AGPAT4: variants seen among roughly 807,000 people sequenced by gnomAD.
AGPAT4 encodes the protein 1-acylglycerol-3-phosphate O-acyltransferase 4.
AGPAT4 carries 15 observed loss-of-function variants against 48.0 expected under a neutral mutation model. The ratio of observed to expected loss-of-function variants is 0.31; its 90% CI spans 0.21 to 0.48. The LOEUF is 0.48. AGPAT4 is among the 20% of genes least tolerant of loss of function. AGPAT4 has a pLI of 0.99. For synonymous variants in AGPAT4, 178 were observed against 198.7 expected (o/e 0.90, Z 0.88); for missense variants, 314 against 482.5 (o/e 0.65, Z 3.27).
At chr6:161,160,104 A>ATTTTTTTTT (rs5881394) in intron 3 of AGPAT4, 23 of 74,010 alleles carry the variant, frequency 3.1e-4, no homozygotes, top group Non-Finnish European at 5.0e-4. Flanking sequence ...CACCCAGCTA[A>ATTTTTTTTT]TTTTTTTTTT....
intron 2 of AGPAT4, among the ~76,000 whole-genome samples, chr6:161,209,890 AC>A (rs1272663389): frequency 6.6e-6 from 1 of 152,224 alleles, no homozygotes; most frequent in African/African-American, 2.4e-5. Context: ...GTATGTTCAC[AC>A]CACAGAGACA....
rs1032068642 is a variant in AGPAT4 at position 161,145,538 on chromosome 6, T to C, written c.843+986A>G. ...TCTGCTAAAGGTGATGGCAAGTCTTTTGGACTGAAATTTGTCTAAAGGAGG... is the reference window on the plus strand; with the variant it reads ...TCTGCTAAAGGTGATGGCAAGTCTTCTGGACTGAAATTTGTCTAAAGGAGG... On this transcript the variant is annotated intron_variant, in intron 7 of 8. Coordinates refer to ENST00000320285, the MANE Select transcript of AGPAT4 (RefSeq NM_020133.3). 3.3e-5 allele frequency among the ~76,000 whole-genome samples: 5 copies of C among 151,628 alleles called. 1 individual carries two copies. The highest frequency in any genetic ancestry group is 9.8e-5 in the African/African-American group (4 of 40,886).
intron 2 of AGPAT4, among the ~76,000 whole-genome samples, chr6:161,186,596 C>T (rs1192215065): frequency 2.6e-5 from 4 of 152,106 alleles, no homozygotes; most frequent in Admixed American, 6.5e-5. Flanking sequence ...TCACCCGCTC[C>T]GCATGCCAGT....
chr6:161,136,903 C>G (rs746221363), intron 8 of AGPAT4, among the ~76,000 whole-genome samples: 1 of 152,210 alleles, frequency 6.6e-6, no homozygotes, highest in Non-Finnish European at 1.5e-5. Context: ...CATGCACAGC[C>G]GTTCGCAGGG....
intron 2 of AGPAT4, among the ~76,000 whole-genome samples, chr6:161,213,790 G>A (rs1243345662): frequency 2.0e-5 from 3 of 152,058 alleles, no homozygotes; most frequent in Non-Finnish European, 4.4e-5. Context: ...TTATAAAAAT[G>A]AGTTTTCCTA....
chr6:161,260,154 A>C (rs542294875), intron 1 of AGPAT4, among the ~76,000 whole-genome samples: 1 of 152,220 alleles, frequency 6.6e-6, no homozygotes, highest in East Asian at 1.9e-4. Flanking sequence ...CATTACTCCC[A>C]CCGCACATGG....
In AGPAT4 at chr6:161,236,270, C is replaced by T. The variant is rs565159486; in HGVS notation, c.-89-3968G>A. ...AAGCTGCTGCTATGCCATATTTCTGCGAAAAAAAAAAAGATGTTTCTTACT... is the reference window on the plus strand; with the variant it reads ...AAGCTGCTGCTATGCCATATTTCTGTGAAAAAAAAAAAGATGTTTCTTACT... On this transcript the variant is annotated intron_variant, in intron 1 of 8. Transcript: ENST00000320285. The surrounding 1 kb of genome is among the most constrained non-coding windows in gnomAD (Gnocchi z 5.0). Among the ~76,000 whole-genome samples, 10 of 147,686 alleles carry T rather than the reference C, an allele frequency of 6.8e-5. No homozygotes were observed. In the East Asian group the frequency reaches 7.9e-4, roughly 12 times the overall value.
intron 2 of AGPAT4, among the ~76,000 whole-genome samples, chr6:161,176,693 CT>C (rs1227956113): frequency 2.0e-5 from 3 of 152,122 alleles, no homozygotes; most frequent in African/African-American, 7.2e-5. Context: ...ATGATGTTAG[CT>C]GGTTATTTTG....
intron 2 of AGPAT4, among the ~76,000 whole-genome samples, chr6:161,182,150 C>G (rs1414857885): frequency 1.3e-5 from 2 of 152,008 alleles, no homozygotes. Context: ...CACAGCCCAG[C>G]CCCTCGCCCC....
At position 161,217,390 on chromosome 6, in the gene AGPAT4, T is replaced by C. The variant is rs1781678048; in HGVS notation, c.178+14646A>G. ...TTAAAAAGCCTTATGGTGTGTCAGA[T>C]GGAGGACGCATTGGGAGAGGCTGTG... On this transcript the variant is annotated intron_variant, in intron 2 of 8. Coordinates refer to ENST00000320285, the MANE Select transcript of AGPAT4 (RefSeq NM_020133.3). This position sits in a 1 kb window ranked among gnomAD's most constrained non-coding sequence, Gnocchi z 4.9. Among the ~76,000 whole-genome samples, 1 of 152,172 alleles carries C rather than the reference T, an allele frequency of 6.6e-6. No homozygotes were observed. The highest frequency in any genetic ancestry group is 1.5e-5 in the Non-Finnish European group (1 of 68,030).
chr6:161,161,316 C>T lies in AGPAT4; in HGVS notation c.348+4932G>A, dbSNP rs2281492. 287 of 456,712 alleles carry T rather than the reference C, an allele frequency of 6.3e-4. 3 individuals are homozygous for T. In the East Asian group the frequency reaches 0.016, roughly 25 times the overall value. The allele number at this position is 456,712 out of a possible 1,614,324, so 28.3% of individuals were successfully genotyped here. On this transcript the variant is annotated intron_variant, in intron 3 of 8. Coordinates refer to ENST00000320285, the MANE Select transcript of AGPAT4 (RefSeq NM_020133.3). This position sits in a 1 kb window ranked among gnomAD's most constrained non-coding sequence, Gnocchi z 4.6. ...TGAACCCGCGGTGCAGCCATAGTCC[C>T]GTGAGCTGCCCACTTCCTGCCCTGG... is the stretch of plus-strand genomic sequence containing the variant.
Position 161,216,265 on chromosome 6 carries a change from T to C in AGPAT4, c.178+15771A>G, listed in dbSNP as rs938916351. On this transcript the variant is annotated intron_variant, in intron 2 of 8. Transcript: ENST00000320285. The surrounding 1 kb of genome is among the most constrained non-coding windows in gnomAD (Gnocchi z 4.8). ...ATGGATGACTGAAGCAAAGGGTCAA[T>C]GCTTTCAGGGCTCTCAGAGTAAAGC... Among the ~76,000 whole-genome samples, 1 of 152,148 alleles carries C rather than the reference T, an allele frequency of 6.6e-6. No homozygotes were observed. The highest frequency in any genetic ancestry group is 2.4e-5 in the African/African-American group (1 of 41,426).
intron 2 of AGPAT4, among the ~76,000 whole-genome samples, chr6:161,194,420 T>C (rs1344189868): frequency 4.7e-5 from 7 of 150,348 alleles, no homozygotes; most frequent in African/African-American, 1.7e-4. Flanking sequence ...CCCCATTCCT[T>C]TCCAGAGTAG....
rs1431671099 is a variant in AGPAT4 at position 161,196,448 on chromosome 6, T to A, written c.179-30031A>T. 6.6e-6 allele frequency among the ~76,000 whole-genome samples: 1 copy of A among 151,978 alleles called. No homozygotes were observed. The highest frequency in any genetic ancestry group is 1.5e-5 in the Non-Finnish European group (1 of 67,996). On this transcript the variant is annotated intron_variant, in intron 2 of 8. Coordinates refer to ENST00000320285, the MANE Select transcript of AGPAT4 (RefSeq NM_020133.3). This position sits in a 1 kb window ranked among gnomAD's most constrained non-coding sequence, Gnocchi z 4.3. ...GGTCCTATCCAGGGTCTGAAATAGG[T>A]CTGAAGCAACAGAGTTAGGGCAAAG... is the stretch of plus-strand genomic sequence containing the variant.
chr6:161,209,662 C>T (rs1411133363), intron 2 of AGPAT4, among the ~76,000 whole-genome samples: 1 of 152,158 alleles, frequency 6.6e-6, no homozygotes, highest in East Asian at 1.9e-4. Context: ...CAGGCAAAGC[C>T]TTCGATTTTC....
In AGPAT4 at chr6:161,161,426, C is replaced by G. The variant is rs900010043; in HGVS notation, c.348+4822G>C. 6.6e-6 allele frequency: 3 copies of G among 456,714 alleles called. No individual in the cohort carries two copies. In the East Asian group the frequency reaches 2.1e-4, roughly 32 times the overall value. 28.3% of individuals were successfully genotyped at this position (456,714 alleles called of 1,614,324 possible). A position where few individuals can be genotyped will look rare whatever the true frequency, so the allele number is the denominator to read the frequency against. ...CCAGATCCCAGCACACTTGCCAAAC[C>G]CAGTGAATGGTAAGAGGCAGAGGGT... is the stretch of plus-strand genomic sequence containing the variant. On this transcript the variant is annotated intron_variant, in intron 3 of 8. Coordinates refer to ENST00000320285, the MANE Select transcript of AGPAT4 (RefSeq NM_020133.3). The surrounding 1 kb of genome is among the most constrained non-coding windows in gnomAD (Gnocchi z 4.6).
intron 1 of AGPAT4, among the ~76,000 whole-genome samples, chr6:161,237,220 T>A (rs773195197): frequency 1.3e-5 from 2 of 152,216 alleles, no homozygotes; most frequent in Non-Finnish European, 2.9e-5. Context: ...CTAATCCAAA[T>A]TACCTTTATT....
chr6:161,194,628 ATGTGTATG>A (rs746322425), intron 2 of AGPAT4, among the ~76,000 whole-genome samples: 8 of 122,036 alleles, frequency 6.6e-5, no homozygotes, highest in Non-Finnish European at 1.1e-4. Context: ...ACATGTGTGT[ATGTGTATG>A]TGTGTATGTG....
rs564187260 is a variant in AGPAT4, at chr6:161,262,179, C to T, written c.-90+11759G>A. Among the ~76,000 whole-genome samples the T allele has an allele frequency of 5.5e-4, 83 of 152,178 alleles. No homozygotes were observed. Among genetic ancestry groups the T allele is most frequent in the Admixed American group, 1.6e-3 (24 of 15,290 alleles). ...CTCCTTCTATCCTGAGGTTCCAGTCCTCTCAGCCCATAATCATTTATAGAA... is the reference window on the plus strand; with the variant it reads ...CTCCTTCTATCCTGAGGTTCCAGTCTTCTCAGCCCATAATCATTTATAGAA... On this transcript the variant is annotated intron_variant, in intron 1 of 8. Coordinates refer to ENST00000320285, the MANE Select transcript of AGPAT4 (RefSeq NM_020133.3). The surrounding 1 kb of genome is among the most constrained non-coding windows in gnomAD (Gnocchi z 4.9).
Sources: gnomAD v4.1 joint callset for allele counts (sites outside exome capture counted in the v4.1 genomes callset) on GRCh38, gnomAD v4.1.1 for gene constraint, Gnocchi (gnomAD v3.1) non-coding constraint, MANE v1.5 for transcripts, NCBI Gene and HGNC (gene_info 2026-07-23, HGNC 2026-07-21) for gene names.